The following PALM2AKAP2 variants were observed in gnomAD, a reference collection of about 807,000 sequenced individuals.
PALM2AKAP2 encodes PALM2-AKAP2 fusion protein.
A neutral mutation model predicts 71.5 loss-of-function variants in PALM2AKAP2; 37 were observed. The observed-to-expected ratio is 0.52, with a 90% CI of 0.40 to 0.68. PALM2AKAP2 has a LOEUF of 0.68. Ranked by LOEUF, PALM2AKAP2 falls within the 30% of genes least tolerant of loss-of-function variation. PALM2AKAP2 has a pLI of 0.00. For synonymous variants in PALM2AKAP2, 468 were observed against 478.8 expected (o/e 0.98, Z 0.29); for missense variants, 1,224 against 1,191.8 (o/e 1.03, Z -0.40).
At chr9:110,129,395 A>T (rs955176785) in intron 1 of PALM2AKAP2, among the ~76,000 whole-genome samples, 10 of 152,126 alleles carry the variant, frequency 6.6e-5, no homozygotes, top group African/African-American at 2.4e-4. Context: ...GCCTCCTAAT[A>T]TTGAGACTCC....
chr9:109,691,204 C>CACACACACACACACAT (rs1252778178), intron 1 of PALM2AKAP2, among the ~76,000 whole-genome samples: 11 of 151,150 alleles, frequency 7.3e-5, no homozygotes, highest in African/African-American at 2.4e-4. Flanking sequence ...CACACACACA[C>CACACACACACACACAT]ATGCACACAC....
intron 1 of PALM2AKAP2, among the ~76,000 whole-genome samples, chr9:109,719,175 G>A (rs1388995423): frequency 8.5e-5 from 13 of 152,200 alleles, no homozygotes; most frequent in Admixed American, 6.5e-5. Flanking sequence ...AACTCTGTTA[G>A]TTAGCATGAA....
In PALM2AKAP2 at chr9:109,865,063, G is replaced by T. The variant is rs376814018; in HGVS notation, c.46-2428G>T. 2.7e-4 allele frequency among the ~76,000 whole-genome samples: 35 copies of T among 131,306 alleles called. No homozygotes were observed. The South Asian group carries it at 7.6e-3, about 28-fold the overall frequency. 86.1% of individuals were successfully genotyped at this position (131,306 alleles called of 152,430 possible). A position where few individuals can be genotyped will look rare whatever the true frequency, so the allele number is the denominator to read the frequency against. On this transcript the variant is annotated intron_variant, in intron 1 of 9. Transcript: ENST00000302798. ...TAGTTCCTTTTGCTTGGAATGTATT[G>T]CCCATTTGTATCTACCTAAATCCTA...
chr9:109,760,903 A>C (rs1829040966), intron 1 of PALM2AKAP2, among the ~76,000 whole-genome samples: 1 of 152,146 alleles, frequency 6.6e-6, no homozygotes, highest in Admixed American at 6.5e-5. Context: ...TCAAAGTAAA[A>C]CACAAATGAT....
At position 110,093,030 on chromosome 9, in the gene PALM2AKAP2, C is replaced by T. The variant is rs577826243; in HGVS notation, c.157-43097C>T. Among the ~76,000 whole-genome samples, 37 of 152,096 alleles carry T rather than the reference C, an allele frequency of 2.4e-4. No homozygotes were observed. In the South Asian group the frequency reaches 4.2e-3, roughly 17 times the overall value. Reference sequence around the variant, plus strand: ...AGGAGTGAGAGCTCCCCCTAGACCACGGTGCAGAATGAAGGTAGAGAGTGG... The same window carrying T: ...AGGAGTGAGAGCTCCCCCTAGACCATGGTGCAGAATGAAGGTAGAGAGTGG... On this transcript the variant is annotated intron_variant, in intron 1 of 3. Transcript: ENST00000374525.
intron 1 of PALM2AKAP2, among the ~76,000 whole-genome samples, chr9:110,058,356 G>A (rs527691626): frequency 2.8e-4 from 43 of 152,144 alleles, no homozygotes; most frequent in Non-Finnish European, 5.7e-4. Flanking sequence ...GGGATGCAGT[G>A]GAAAAGTTTC....
At chr9:110,023,906 T>G (rs1230201125) in intron 7 of PALM2AKAP2, among the ~76,000 whole-genome samples, 1 of 151,970 alleles carries the variant, frequency 6.6e-6, no homozygotes, top group Non-Finnish European at 1.5e-5. Context: ...GATGGGAAGA[T>G]CGCTTGAGCC....
At chr9:109,775,386 C>A (rs1020255144), upstream of PALM2AKAP2, among the ~76,000 whole-genome samples, 1 of 152,204 alleles carries the variant, frequency 6.6e-6, no homozygotes, top group African/African-American at 2.4e-5. Flanking sequence ...TTTCTGACTT[C>A]TTTCTATCTT....
intron 1 of PALM2AKAP2, among the ~76,000 whole-genome samples, chr9:110,115,599 C>A (rs992187154): frequency 6.6e-6 from 1 of 152,196 alleles, no homozygotes; most frequent in Admixed American, 6.5e-5. Flanking sequence ...TCTTTTCCTG[C>A]CAGAGTGTGT....
chr9:110,138,888 C>A (rs180763405), intron 2 of PALM2AKAP2, among the ~76,000 whole-genome samples: 1 of 152,280 alleles, frequency 6.6e-6, no homozygotes, highest in East Asian at 1.9e-4. Context: ...CCAGAGTGGA[C>A]CCATGTGTGG....
chr9:110,015,386 G>A (rs935702117), intron 6 of PALM2AKAP2, among the ~76,000 whole-genome samples: 20 of 152,184 alleles, frequency 1.3e-4, no homozygotes, highest in African/African-American at 4.3e-4. Flanking sequence ...ATCACCGGAG[G>A]TCAGGAGTTC....
At chr9:109,684,199 C>A (rs1288641050) in intron 1 of PALM2AKAP2, among the ~76,000 whole-genome samples, 1 of 152,210 alleles carries the variant, frequency 6.6e-6, no homozygotes, top group Non-Finnish European at 1.5e-5. Context: ...CTCTGCCCTC[C>A]TTTCTATCAG....
At chr9:110,143,820 G>A (rs1287825044) in intron 2 of PALM2AKAP2, among the ~76,000 whole-genome samples, 1 of 152,196 alleles carries the variant, frequency 6.6e-6, no homozygotes, top group Non-Finnish European at 1.5e-5. Context: ...AGAAGGTGTA[G>A]TTTGCTATTA....
intron 1 of PALM2AKAP2, chr9:109,866,903 G>C (rs1365296937): frequency 2.5e-6 from 1 of 393,774 alleles, no homozygotes; most frequent in Non-Finnish European, 5.1e-6. Context: ...CCACCCACAT[G>C]AAATGCTACC....
chr9:109,857,188 A>T (rs1189927708), intron 1 of PALM2AKAP2, among the ~76,000 whole-genome samples: 1 of 152,154 alleles, frequency 6.6e-6, no homozygotes, highest in Non-Finnish European at 1.5e-5. Flanking sequence ...CCATATTCTG[A>T]TATCCAGAGA....
chr9:110,161,606 G>T (rs1257820168), intron 3 of PALM2AKAP2, among the ~76,000 whole-genome samples: 1 of 152,154 alleles, frequency 6.6e-6, no homozygotes, highest in Non-Finnish European at 1.5e-5. Context: ...CCTTAGGCCG[G>T]TTTCAGAGAA....
Position 109,716,233 on chromosome 9 carries a change from A to G in PALM2AKAP2, c.6-64255A>G, listed in dbSNP as rs991936946. 7.9e-5 allele frequency among the ~76,000 whole-genome samples: 12 copies of G among 152,204 alleles called. No individual in the cohort carries two copies. The East Asian group carries it at 2.3e-3, about 29-fold the overall frequency. ...GTGTTATACCCAAGAAAATCTTAATATCTCTTCCTATATTTATAATATTAT... is the reference window on the plus strand; with the variant it reads ...GTGTTATACCCAAGAAAATCTTAATGTCTCTTCCTATATTTATAATATTAT... On this transcript the variant is annotated intron_variant, in intron 1 of 6. Coordinates refer to the PALM2AKAP2 transcript ENST00000374531.
chr9:110,034,246 C>T (rs140427538), intron 7 of PALM2AKAP2, among the ~76,000 whole-genome samples: 1 of 152,084 alleles, frequency 6.6e-6, no homozygotes, highest in African/African-American at 2.4e-5. Flanking sequence ...CAACCTCTGC[C>T]TCCTGGGCTC....
chr9:109,964,627 C>T (rs539443437), intron 6 of PALM2AKAP2, among the ~76,000 whole-genome samples: 1 of 152,324 alleles, frequency 6.6e-6, no homozygotes, highest in South Asian at 2.1e-4. Flanking sequence ...GGGAGGCTGG[C>T]TTGCCTGCCT....
Sources: gnomAD v4.1 joint callset for allele counts (sites outside exome capture counted in the v4.1 genomes callset) on GRCh38, gnomAD v4.1.1 for gene constraint, MANE v1.5 for transcripts, NCBI Gene and HGNC (gene_info 2026-07-23, HGNC 2026-07-21) for gene names.